PLCB1: variants seen among roughly 807,000 people sequenced by gnomAD.
PLCB1 encodes phospholipase C beta 1.
In PLCB1, 46 loss-of-function variants were observed where a neutral mutation model predicts 161.8. That is an observed-to-expected ratio of 0.28 (90% confidence interval 0.22 to 0.36). The LOEUF is 0.36. PLCB1 is among the 10% of genes least tolerant of loss of function. The pLI is 1.00. For synonymous variants in PLCB1, 517 were observed against 503.7 expected (o/e 1.03, Z -0.35); for missense variants, 1,016 against 1,472.5 (o/e 0.69, Z 5.07).
At chr20:8,490,334 A>T (rs1408945519) in intron 3 of PLCB1, among the ~76,000 whole-genome samples, 1 of 152,234 alleles carries the variant, frequency 6.6e-6, no homozygotes, top group Non-Finnish European at 1.5e-5. Flanking sequence ...CATAATGGAC[A>T]TTGTGTAAGC....
intron 2 of PLCB1, among the ~76,000 whole-genome samples, chr20:8,248,552 G>A (rs984385498): frequency 4.6e-5 from 7 of 151,908 alleles, no homozygotes; most frequent in South Asian, 2.1e-4. Context: ...TATCTGCTAC[G>A]TCCTCTTGGG....
intron 3 of PLCB1, among the ~76,000 whole-genome samples, chr20:8,583,330 A>T (rs1361810388): frequency 6.6e-6 from 1 of 152,250 alleles, no homozygotes; most frequent in Admixed American, 6.5e-5. Context: ...GAACTTAAAA[A>T]TGGTAAAAGT....
chr20:8,577,735 G>GATTTA (rs1986720586), intron 3 of PLCB1, among the ~76,000 whole-genome samples: 1 of 152,112 alleles, frequency 6.6e-6, no homozygotes, highest in Non-Finnish European at 1.5e-5. Context: ...AACCATGCCA[G>GATTTA]TTCTCTTTTC....
intron 2 of PLCB1, among the ~76,000 whole-genome samples, chr20:8,240,304 A>ACG (rs1491159004): frequency 6.0e-5 from 9 of 149,846 alleles, no homozygotes; most frequent in African/African-American, 2.2e-4. Flanking sequence ...ACACACACAC[A>ACG]CGCACACACA....
intron 31 of PLCB1, among the ~76,000 whole-genome samples, chr20:8,816,628 T>C (rs948434833): frequency 5.3e-5 from 8 of 152,186 alleles, no homozygotes; most frequent in African/African-American, 1.7e-4. Flanking sequence ...TAAGCATATA[T>C]ATGAATATGA....
chr20:8,361,940 A>G (rs1282354932), intron 2 of PLCB1, among the ~76,000 whole-genome samples: 5 of 152,220 alleles, frequency 3.3e-5, no homozygotes, highest in African/African-American at 1.2e-4. Flanking sequence ...GCACTTATGA[A>G]ACTATTTGCA....
intron 3 of PLCB1, among the ~76,000 whole-genome samples, chr20:8,613,809 CT>C (rs1175849797): frequency 2.0e-5 from 3 of 151,676 alleles, no homozygotes; most frequent in Non-Finnish European, 4.4e-5. Flanking sequence ...GTAAGGAAAG[CT>C]TTTTTATACA....
intron 3 of PLCB1, among the ~76,000 whole-genome samples, chr20:8,454,880 A>G (rs1981230724): frequency 6.6e-6 from 1 of 152,048 alleles, no homozygotes; most frequent in Non-Finnish European, 1.5e-5. Flanking sequence ...TGTATATTTC[A>G]TGCATTTTTA....
chr20:8,698,314 G>A (rs1990625129), intron 11 of PLCB1, among the ~76,000 whole-genome samples: 1 of 152,054 alleles, frequency 6.6e-6, no homozygotes, highest in African/African-American at 2.4e-5. Context: ...AAATTTATAT[G>A]CAGCCCTAAA....
intron 31 of PLCB1, among the ~76,000 whole-genome samples, chr20:8,846,082 AG>A (rs1986680677): frequency 6.6e-6 from 1 of 152,224 alleles, no homozygotes; most frequent in South Asian, 2.1e-4. Flanking sequence ...AATAAAGAAA[AG>A]AGGTTTAATT....
At chr20:8,797,473 G>A (rs1007424066) in intron 31 of PLCB1, among the ~76,000 whole-genome samples, 17 of 151,788 alleles carry the variant, frequency 1.1e-4, no homozygotes, top group African/African-American at 4.1e-4. Context: ...TCAATGAATT[G>A]TTTTTAGTAT....
intron 3 of PLCB1, among the ~76,000 whole-genome samples, chr20:8,535,016 C>T (rs1319017919): frequency 6.7e-6 from 1 of 148,186 alleles, no homozygotes; most frequent in Non-Finnish European, 1.5e-5. Context: ...AGAAAAACAA[C>T]AGTCTAGAAA....
At chr20:8,636,388 T>C (rs1166774243) in intron 4 of PLCB1, among the ~76,000 whole-genome samples, 2 of 152,250 alleles carry the variant, frequency 1.3e-5, no homozygotes, top group Non-Finnish European at 2.9e-5. Flanking sequence ...TTTATACTGG[T>C]AGGTGTCCTT....
At chr20:8,363,488 A>G (rs571026379) in intron 2 of PLCB1, among the ~76,000 whole-genome samples, 23 of 152,242 alleles carry the variant, frequency 1.5e-4, no homozygotes, top group African/African-American at 5.5e-4. Flanking sequence ...TCTTGCTTCT[A>G]AACCCTCTTT....
At chr20:8,684,256 A>G (rs1003670894) in intron 9 of PLCB1, among the ~76,000 whole-genome samples, 8 of 150,096 alleles carry the variant, frequency 5.3e-5, no homozygotes, top group African/African-American at 2.0e-4. Context: ...TTATTTATTT[A>G]TTTATTTATT....
chr20:8,235,042 A>G (rs1164648970), intron 2 of PLCB1, among the ~76,000 whole-genome samples: 1 of 152,116 alleles, frequency 6.6e-6, no homozygotes, highest in East Asian at 1.9e-4. Context: ...CAAAGATAAC[A>G]ACAGAGCACC....
chr20:8,383,002 A>G (rs565771469), intron 3 of PLCB1, among the ~76,000 whole-genome samples: 36 of 152,296 alleles, frequency 2.4e-4, no homozygotes, highest in African/African-American at 8.4e-4. Context: ...AGAAGAATGT[A>G]TATTCTGTTG....
chr20:8,765,694 A>T (rs1191354467), intron 26 of PLCB1, among the ~76,000 whole-genome samples: 1 of 147,946 alleles, frequency 6.8e-6, no homozygotes, highest in Non-Finnish European at 1.5e-5. Flanking sequence ...GAGGCAGCTG[A>T]TTTTTTTTTT....
At chr20:8,320,517 G>C (rs1984863250) in intron 2 of PLCB1, among the ~76,000 whole-genome samples, 1 of 152,190 alleles carries the variant, frequency 6.6e-6, no homozygotes, top group East Asian at 1.9e-4. Flanking sequence ...TCCAGGCTCA[G>C]AACCCTAAAC....
Sources: gnomAD v4.1 joint callset for allele counts (sites outside exome capture counted in the v4.1 genomes callset) on GRCh38, gnomAD v4.1.1 for gene constraint, MANE v1.5 for transcripts, NCBI Gene and HGNC (gene_info 2026-07-23, HGNC 2026-07-21) for gene names.